The following ZFPM2 variants were observed in gnomAD, a reference collection of about 807,000 sequenced individuals.
ZFPM2 encodes zinc finger protein, FOG family member 2, also known as zinc finger protein ZFPM2.
A neutral mutation model predicts 98.6 loss-of-function variants in ZFPM2; 20 were observed. The ratio of observed to expected loss-of-function variants is 0.20; its 90% CI spans 0.14 to 0.29. The LOEUF (loss-of-function observed/expected upper bound fraction) is 0.29. ZFPM2 is among the 10% of genes least tolerant of loss of function. The pLI, the probability that ZFPM2 is intolerant of heterozygous loss-of-function variation, is 1.00. For missense variants in ZFPM2, 1,310 were observed against 1,388.6 expected (o/e 0.94, Z 0.90); for synonymous variants, 518 against 502.7 (o/e 1.03, Z -0.41).
chr8:105,757,773 T>G (rs1812637697), intron 5 of ZFPM2, among the ~76,000 whole-genome samples: 1 of 151,816 alleles, frequency 6.6e-6, no homozygotes, highest in Admixed American at 6.7e-5. Context: ...CTCCTTTGAT[T>G]CTCCTCCTCG....
intron 4 of ZFPM2, among the ~76,000 whole-genome samples, chr8:105,628,628 C>T (rs1164261406): frequency 6.6e-6 from 1 of 152,168 alleles, no homozygotes; most frequent in Non-Finnish European, 1.5e-5. Context: ...AGCAGCTTGA[C>T]TTCAAAGGGA....
At chr8:105,789,863 T>C (rs1205349133) in intron 6 of ZFPM2, among the ~76,000 whole-genome samples, 1 of 150,380 alleles carries the variant, frequency 6.6e-6, no homozygotes, top group Non-Finnish European at 1.5e-5. Flanking sequence ...TCATGTGTTT[T>C]TTGGCTGCAT....
intron 1 of ZFPM2, among the ~76,000 whole-genome samples, chr8:105,384,354 G>A (rs1438737244): frequency 6.6e-6 from 1 of 152,158 alleles, no homozygotes; most frequent in African/African-American, 2.4e-5. Context: ...GAAGAGAAGT[G>A]ATGATTGCAT....
intron 2 of ZFPM2, among the ~76,000 whole-genome samples, chr8:105,433,863 ATTG>A (rs1168355374): frequency 2.0e-5 from 3 of 152,176 alleles, no homozygotes; most frequent in African/African-American, 2.4e-5. Context: ...CTGTTTCAGG[ATTG>A]TTTCCTCATC....
At position 105,625,107 on chromosome 8, in the gene ZFPM2, G is replaced by A. The variant is rs1586158613; in HGVS notation, c.421-9139G>A. On this transcript the variant is annotated intron_variant, in intron 4 of 7. Transcript: ENST00000407775. ...GAATCTCCATTCATAAATCTATTCT[G>A]TGCCTAATTATATAGTGTAGTGGTT... Among the ~76,000 whole-genome samples the A allele has an allele frequency of 2.6e-5, 4 of 152,250 alleles. No individual in the cohort carries two copies. In the East Asian group the frequency reaches 7.7e-4, roughly 29 times the overall value.
chr8:105,616,200 T>TACC (rs1816410816), intron 4 of ZFPM2, among the ~76,000 whole-genome samples: 2 of 152,130 alleles, frequency 1.3e-5, no homozygotes, highest in African/African-American at 4.8e-5. Context: ...AAGCAAGTTT[T>TACC]TACATTTGAT....
At chr8:105,356,082 T>C (rs975324423) in intron 1 of ZFPM2, among the ~76,000 whole-genome samples, 3 of 152,250 alleles carry the variant, frequency 2.0e-5, no homozygotes, top group African/African-American at 7.2e-5. Flanking sequence ...TGGAAGTTTT[T>C]GTGAAAGGGA....
At chr8:105,699,373 T>A (rs1811091096) in intron 5 of ZFPM2, among the ~76,000 whole-genome samples, 1 of 152,148 alleles carries the variant, frequency 6.6e-6, no homozygotes, top group Non-Finnish European at 1.5e-5. Context: ...AGAGAGATGA[T>A]GTTATTAAAG....
At chr8:105,759,211 T>G (rs1812679791) in intron 5 of ZFPM2, among the ~76,000 whole-genome samples, 1 of 152,154 alleles carries the variant, frequency 6.6e-6, no homozygotes, top group Non-Finnish European at 1.5e-5. Flanking sequence ...TTGAATGATT[T>G]GAAAGAAACC....
chr8:105,672,460 C>T (rs1390849828), intron 5 of ZFPM2, among the ~76,000 whole-genome samples: 2 of 151,892 alleles, frequency 1.3e-5, no homozygotes, highest in African/African-American at 4.8e-5. Flanking sequence ...GTAAAGTATT[C>T]CCATTTAGTC....
intron 1 of ZFPM2, among the ~76,000 whole-genome samples, chr8:105,395,729 A>G (rs1405371899): frequency 1.3e-5 from 2 of 152,226 alleles, no homozygotes; most frequent in African/African-American, 2.4e-5. Flanking sequence ...CATTCGTAAC[A>G]TAATTGGACA....
At chr8:105,718,773 C>T (rs1811587071) in intron 5 of ZFPM2, among the ~76,000 whole-genome samples, 2 of 151,884 alleles carry the variant, frequency 1.3e-5, no homozygotes, top group Admixed American at 1.3e-4. Context: ...AAGCTATCAA[C>T]AGTTTATTCC....
At chr8:105,514,017 T>TTTC (rs1554613230) in intron 3 of ZFPM2, among the ~76,000 whole-genome samples, 1 of 151,240 alleles carries the variant, frequency 6.6e-6, no homozygotes, top group Non-Finnish European at 1.5e-5. Flanking sequence ...TTTTTTTTTT[T>TTTC]CCCAAGATTA....
intron 3 of ZFPM2, among the ~76,000 whole-genome samples, chr8:105,523,073 T>G (rs987753835): frequency 2.0e-5 from 3 of 152,210 alleles, no homozygotes; most frequent in African/African-American, 7.2e-5. Flanking sequence ...TAGTTTTAAT[T>G]AATTCATTTT....
intron 4 of ZFPM2, among the ~76,000 whole-genome samples, chr8:105,572,874 G>A (rs1431848582): frequency 6.6e-6 from 1 of 152,122 alleles, no homozygotes; most frequent in African/African-American, 2.4e-5. Context: ...TAATTTCAGC[G>A]TCTTCTGTGC....
chr8:105,640,283 G>C (rs2130849847), intron 5 of ZFPM2, among the ~76,000 whole-genome samples: 1 of 151,584 alleles, frequency 6.6e-6, no homozygotes, highest in Non-Finnish European at 1.5e-5. Flanking sequence ...TTGCAAATTT[G>C]CATACATATT....
chr8:105,458,331 A>T, intron 3 of ZFPM2, among the ~76,000 whole-genome samples: 1 of 152,186 alleles, frequency 6.6e-6, no homozygotes, highest in East Asian at 1.9e-4. Context: ...AGAATCAAAG[A>T]TTCCTTTTTG....
intron 3 of ZFPM2, among the ~76,000 whole-genome samples, chr8:105,450,468 T>A (rs71522737): frequency 1.1e-3 from 162 of 152,268 alleles, no homozygotes; most frequent in Middle Eastern, 3.4e-3. Flanking sequence ...GTAAGAAGAA[T>A]ATTGTGAGAA....
intron 1 of ZFPM2, among the ~76,000 whole-genome samples, chr8:105,369,335 G>C (rs1441598430): frequency 1.3e-5 from 2 of 152,138 alleles, no homozygotes; most frequent in African/African-American, 2.4e-5. Flanking sequence ...AATATTGTAA[G>C]TTTTTGATGG....
Sources: gnomAD v4.1 joint callset for allele counts (sites outside exome capture counted in the v4.1 genomes callset) on GRCh38, gnomAD v4.1.1 for gene constraint, MANE v1.5 for transcripts, NCBI Gene and HGNC (gene_info 2026-07-23, HGNC 2026-07-21) for gene names.